The following FAT3 variants were observed in gnomAD, a reference collection of about 807,000 sequenced individuals.
FAT3 encodes protocadherin Fat 3.
In FAT3, 95 loss-of-function variants were observed where a neutral mutation model predicts 310.2. That is an observed-to-expected ratio of 0.31 (90% CI 0.26 to 0.36). The LOEUF (loss-of-function observed/expected upper bound fraction) is 0.36, where lower values mean the gene tolerates loss of function less well. FAT3 is among the 10% of genes least tolerant of loss of function. The pLI, the probability that FAT3 is intolerant of heterozygous loss-of-function variation, is 1.00. For synonymous variants in FAT3, 2,314 were observed against 2,192.9 expected (o/e 1.06, Z -1.54); for missense variants, 5,408 against 5,715.6 (o/e 0.95, Z 1.74).
intron 3 of FAT3, among the ~76,000 whole-genome samples, chr11:92,602,348 C>A (rs1940070015): frequency 6.6e-6 from 1 of 152,168 alleles, no homozygotes; most frequent in Non-Finnish European, 1.5e-5. Flanking sequence ...GGTGATCCGC[C>A]CACCTGGGCC....
intron 3 of FAT3, among the ~76,000 whole-genome samples, chr11:92,686,930 TGTTTTCACACCTCAA>T (rs1943650271): frequency 6.6e-6 from 1 of 152,196 alleles, no homozygotes; most frequent in Non-Finnish European, 1.5e-5. Context: ...GTGCAGTGGC[TGTTTTCACACCTCAA>T]GTGTGTCAGG....
At chr11:92,463,120 T>G (rs1047091076) in intron 2 of FAT3, among the ~76,000 whole-genome samples, 14 of 152,244 alleles carry the variant, frequency 9.2e-5, no homozygotes, top group African/African-American at 3.4e-4. Context: ...GTGAGAAGTT[T>G]ATTTTGCTTT....
In FAT3 at chr11:92,559,383, C is replaced by CTTTTT. The variant is rs386374501; in HGVS notation, c.3607+34450_3607+34454dup. Reference sequence around the variant, plus strand: ...GCTGGGTGATTGTTTACTTATTTTCCTTTTTTTTTTTTTTTTTTTGAAACA... The same window carrying CTTTTT: ...GCTGGGTGATTGTTTACTTATTTTCCTTTTTTTTTTTTTTTTTTTTTTTTGAAACA... On this transcript the variant is annotated intron_variant, in intron 3 of 27. Transcript: ENST00000525166. 34 of 144,006 alleles carry CTTTTT rather than the reference C, an allele frequency of 2.4e-4. 1 individual carries two copies. Among genetic ancestry groups the CTTTTT allele is most frequent in the South Asian group, 5.8e-4 (5 of 8,568 alleles). 8.9% of individuals were successfully genotyped at this position (144,006 alleles called of 1,614,324 possible).
At chr11:92,594,986 C>G (rs946769373) in intron 3 of FAT3, among the ~76,000 whole-genome samples, 1 of 141,350 alleles carries the variant, frequency 7.1e-6, no homozygotes, top group Non-Finnish European at 1.5e-5. Flanking sequence ...TACATATAGA[C>G]TCATGAATAA....
chr11:92,554,461 C>CAAAAAAA lies in FAT3; in HGVS notation c.3607+29544_3607+29550dup, dbSNP rs56918849. On this transcript the variant is annotated intron_variant, in intron 3 of 27. Transcript: ENST00000525166. ...TGGGCGAAAGAGTGAGACTCCATCT[C>CAAAAAAA]AAAAAAAAAAAAAAAAAAAAAAAAA... 2.9e-4 allele frequency among the ~76,000 whole-genome samples: 16 copies of CAAAAAAA among 55,026 alleles called. 5 individuals are homozygous for CAAAAAAA. Among genetic ancestry groups the CAAAAAAA allele is most frequent in the African/African-American group, 1.3e-3 (15 of 11,794 alleles). The allele number at this position is 55,026 out of a possible 152,430, so 36.1% of individuals were successfully genotyped here. A position where few individuals can be genotyped will look rare whatever the true frequency, so the allele number is the denominator to read the frequency against.
intron 1 of FAT3, among the ~76,000 whole-genome samples, chr11:92,335,306 G>A (rs1948037326): frequency 6.6e-6 from 1 of 151,818 alleles, no homozygotes; most frequent in East Asian, 1.9e-4. Flanking sequence ...ATTTCAAATT[G>A]AAGGTTTCAC....
At chr11:92,233,226 C>T (rs1864265124) in intron 1 of FAT3, among the ~76,000 whole-genome samples, 1 of 152,158 alleles carries the variant, frequency 6.6e-6, no homozygotes, top group South Asian at 2.1e-4. Flanking sequence ...TGGCTGTCTC[C>T]TATACTGGTA....
At chr11:92,305,171 G>A (rs1467257897) in intron 1 of FAT3, among the ~76,000 whole-genome samples, 1 of 152,044 alleles carries the variant, frequency 6.6e-6, no homozygotes, top group Non-Finnish European at 1.5e-5. Context: ...AAGGTTGAAA[G>A]GGAAGACCTT....
At chr11:92,253,574 C>T (rs1327974020) in intron 1 of FAT3, among the ~76,000 whole-genome samples, 4 of 152,076 alleles carry the variant, frequency 2.6e-5, no homozygotes, top group African/African-American at 9.7e-5. Context: ...CCTTGGTGCT[C>T]TCACTTGCCA....
intron 19 of FAT3, among the ~76,000 whole-genome samples, chr11:92,854,491 G>C (rs1948919768): frequency 6.6e-6 from 1 of 152,204 alleles, no homozygotes; most frequent in Admixed American, 6.5e-5. Context: ...CTTCACAGTG[G>C]CCATTCCAGA....
At chr11:92,872,433 T>C (rs77906267) in intron 22 of FAT3, among the ~76,000 whole-genome samples, 1,971 of 152,310 alleles carry the variant, frequency 0.013, 87 homozygotes, top group East Asian at 0.12. Flanking sequence ...GATGTCAAAC[T>C]CCCAGTAAAT....
chr11:92,763,843 G>A (rs965506428), intron 5 of FAT3, among the ~76,000 whole-genome samples: 1 of 152,036 alleles, frequency 6.6e-6, no homozygotes, highest in Non-Finnish European at 1.5e-5. Flanking sequence ...GCTCCTGGGG[G>A]AACCTGGCTT....
intron 19 of FAT3, among the ~76,000 whole-genome samples, chr11:92,845,180 G>T (rs1035436581): frequency 1.3e-5 from 2 of 152,246 alleles, no homozygotes; most frequent in Non-Finnish European, 2.9e-5. Context: ...AATAAGCAGG[G>T]CTGGGATGTG....
At chr11:92,334,011 C>A (rs77928578) in intron 1 of FAT3, among the ~76,000 whole-genome samples, 5,096 of 152,092 alleles carry the variant, frequency 0.034, 245 homozygotes, top group African/African-American at 0.1. Context: ...TGTAGTTAAC[C>A]AGTATTCAAA....
At chr11:92,432,816 T>G (rs913706061) in intron 2 of FAT3, among the ~76,000 whole-genome samples, 3 of 152,172 alleles carry the variant, frequency 2.0e-5, no homozygotes, top group Admixed American at 1.3e-4. Flanking sequence ...CGTTTAAGTC[T>G]GCTGAAGCTG....
intron 2 of FAT3, among the ~76,000 whole-genome samples, chr11:92,514,948 A>G (rs1184474582): frequency 6.6e-6 from 1 of 152,152 alleles, no homozygotes; most frequent in Non-Finnish European, 1.5e-5. Context: ...TGAGGATCCT[A>G]TCACCTGATT....
chr11:92,784,070 A>G (rs796227747), intron 7 of FAT3, among the ~76,000 whole-genome samples: 5 of 152,336 alleles, frequency 3.3e-5, no homozygotes, highest in African/African-American at 1.2e-4. Flanking sequence ...CACGGAAATG[A>G]TAGGATGGGG....
At chr11:92,595,019 G>A (rs1397460959) in intron 3 of FAT3, among the ~76,000 whole-genome samples, 1 of 151,986 alleles carries the variant, frequency 6.6e-6, no homozygotes, top group Non-Finnish European at 1.5e-5. Context: ...GTGTGTGTGT[G>A]TGTGTGTATC....
chr11:92,799,587 A>G lies in FAT3; in HGVS notation c.6574A>G (p.Thr2192Ala), dbSNP rs1947274582. The G allele has an allele frequency of 6.2e-7, 1 of 1,613,766 alleles. No homozygotes were observed. The highest frequency in any genetic ancestry group is 8.5e-7 in the Non-Finnish European group (1 of 1,179,820). The change falls in exon 10 of 28, where the codon ACA (threonine) becomes GCA (alanine). Residue 2192 changes from threonine (T) to alanine (A), a missense_variant. Coordinates refer to ENST00000525166, the MANE Select transcript of FAT3 (RefSeq NM_001367949.2). ...GCCTGTGTTTGATAAGCCCTTTTAT[A>G]CAGCATCTGTCAATGAAGACATCAG... ...AMPVFDKPFY[T>A]ASVNEDIRMN...
Sources: allele counts gnomAD v4.1 joint callset (sites outside exome capture counted in the v4.1 genomes callset), GRCh38; gene constraint gnomAD v4.1.1; transcripts MANE v1.5; gene names NCBI Gene and HGNC (gene_info 2026-07-23, HGNC 2026-07-21).